Variants in ZNF804B observed in about 807,000 individuals in gnomAD.
ZNF804B encodes zinc finger protein 804B, also known as zinc finger 804B.
ZNF804B carries 80 observed loss-of-function variants against 101.4 expected under a neutral mutation model. The ratio of observed to expected loss-of-function variants is 0.79; its 90% CI spans 0.66 to 0.95. ZNF804B has a LOEUF of 0.95. ZNF804B is among the 40% of genes least tolerant of loss of function. The pLI is 0.00. For synonymous variants in ZNF804B, 622 were observed against 558.8 expected (o/e 1.11, Z -1.59); for missense variants, 1,673 against 1,561.9 (o/e 1.07, Z -1.20).
intron 1 of ZNF804B, among the ~76,000 whole-genome samples, chr7:88,801,875 T>C (rs894716135): frequency 6.6e-6 from 1 of 152,134 alleles, no homozygotes; most frequent in African/African-American, 2.4e-5. Context: ...CTGAAACGAA[T>C]AGCATAATAT....
intron 1 of ZNF804B, among the ~76,000 whole-genome samples, chr7:89,000,441 G>A (rs988567): frequency 0.69 from 104,845 of 151,770 alleles, 36,469 homozygotes; most frequent in African/African-American, 0.75. Flanking sequence ...CATTTTAACT[G>A]TTTCCCAAAT....
intron 1 of ZNF804B, among the ~76,000 whole-genome samples, chr7:88,922,243 C>G (rs779136400): frequency 7.2e-5 from 11 of 151,982 alleles, no homozygotes; most frequent in Non-Finnish European, 1.3e-4. Flanking sequence ...TTAGCTTTTA[C>G]TACTGGAAAA....
intron 1 of ZNF804B, among the ~76,000 whole-genome samples, chr7:89,109,044 G>A (rs10276350): frequency 0.28 from 43,293 of 151,936 alleles, 6,464 homozygotes; most frequent in Non-Finnish European, 0.33. Context: ...TAGGGATGAA[G>A]TAAATCATGT....
chr7:89,115,989 C>T (rs749458843), intron 1 of ZNF804B, among the ~76,000 whole-genome samples: 6 of 150,954 alleles, frequency 4.0e-5, no homozygotes, highest in Admixed American at 1.3e-4. Flanking sequence ...ACTGCAGCTT[C>T]GACCTCCCGG....
chr7:88,882,069 G>A (rs1401513265), intron 1 of ZNF804B, among the ~76,000 whole-genome samples: 2 of 152,058 alleles, frequency 1.3e-5, no homozygotes, highest in Non-Finnish European at 2.9e-5. Flanking sequence ...TGCCTCTGTA[G>A]GAGAAAACAT....
chr7:89,109,372 A>G (rs2116349752), intron 1 of ZNF804B, among the ~76,000 whole-genome samples: 1 of 152,298 alleles, frequency 6.6e-6, no homozygotes, highest in African/African-American at 2.4e-5. Context: ...TAAATTTTAT[A>G]TCATGATGTT....
rs553891309 is a variant in ZNF804B at position 89,196,227 on chromosome 7, A to G, written c.109-21928A>G. ...CAGACCCATAGGCCAATGAAATAGA[A>G]TAGAAACTTTGGAAATAAGGCCACA... On this transcript the variant is annotated intron_variant, in intron 1 of 3. Transcript: ENST00000333190. Among the ~76,000 whole-genome samples the G allele has an allele frequency of 3.9e-5, 6 of 152,246 alleles. No homozygotes were observed. The East Asian group carries it at 7.7e-4, about 20-fold the overall frequency.
At chr7:89,154,347 G>C (rs1584019680) in intron 1 of ZNF804B, among the ~76,000 whole-genome samples, 1 of 152,138 alleles carries the variant, frequency 6.6e-6, no homozygotes, top group Non-Finnish European at 1.5e-5. Flanking sequence ...ACCAAAATTA[G>C]AGCTACCATA....
chr7:89,173,736 C>A (rs931633089), intron 1 of ZNF804B, among the ~76,000 whole-genome samples: 1 of 151,688 alleles, frequency 6.6e-6, no homozygotes, highest in Non-Finnish European at 1.5e-5. Context: ...CATTTATCAT[C>A]CATCCATTTA....
chr7:88,910,949 C>A (rs1291386461), intron 1 of ZNF804B, among the ~76,000 whole-genome samples: 4 of 151,844 alleles, frequency 2.6e-5, no homozygotes, highest in East Asian at 1.9e-4. Context: ...ATAATTGTAT[C>A]ATTGAAGTAA....
intron 1 of ZNF804B, among the ~76,000 whole-genome samples, chr7:88,908,591 G>A (rs1792504895): frequency 1.3e-5 from 2 of 151,544 alleles, no homozygotes; most frequent in African/African-American, 4.8e-5. Flanking sequence ...TCTTCCCAGT[G>A]TTTTTTTAAA....
intron 1 of ZNF804B, among the ~76,000 whole-genome samples, chr7:88,871,240 T>G (rs1041731273): frequency 1.3e-5 from 2 of 152,146 alleles, no homozygotes; most frequent in Non-Finnish European, 2.9e-5. Context: ...GCTATCTGAA[T>G]TATCCCTGTG....
intron 1 of ZNF804B, chr7:88,795,797 A>G (rs1447021421): frequency 6.6e-6 from 1 of 152,106 alleles, no homozygotes; most frequent in Non-Finnish European, 1.5e-5. Flanking sequence ...AGCACCATTA[A>G]AGGACCAGAG....
chr7:89,024,338 T>C (rs1460351021), intron 1 of ZNF804B, among the ~76,000 whole-genome samples: 2 of 152,160 alleles, frequency 1.3e-5, no homozygotes, highest in African/African-American at 4.8e-5. Flanking sequence ...TATGGGGCTT[T>C]AGCTTCTCCC....
intron 1 of ZNF804B, among the ~76,000 whole-genome samples, chr7:88,912,490 T>G (rs1238501029): frequency 6.6e-6 from 1 of 152,150 alleles, no homozygotes; most frequent in African/African-American, 2.4e-5. Context: ...TTGCTGACGC[T>G]AAGTTCACAA....
At chr7:89,324,065 T>G (rs1790861574) in intron 2 of ZNF804B, among the ~76,000 whole-genome samples, 1 of 151,514 alleles carries the variant, frequency 6.6e-6, no homozygotes, top group South Asian at 2.1e-4. Context: ...AGTCCTCTTT[T>G]CATCATACAA....
At chr7:88,890,412 A>G (rs1470414385) in intron 1 of ZNF804B, among the ~76,000 whole-genome samples, 4 of 152,158 alleles carry the variant, frequency 2.6e-5, no homozygotes, top group African/African-American at 9.6e-5. Flanking sequence ...GAGAGCTGGT[A>G]TTGCATGGTA....
At chr7:88,874,521 G>T (rs556376167) in intron 1 of ZNF804B, among the ~76,000 whole-genome samples, 1 of 152,020 alleles carries the variant, frequency 6.6e-6, no homozygotes, top group East Asian at 1.9e-4. Flanking sequence ...AATAGGAGTG[G>T]TGAGAGAGAG....
chr7:89,104,684 TA>T (rs894716370), intron 1 of ZNF804B, among the ~76,000 whole-genome samples: 20 of 152,066 alleles, frequency 1.3e-4, no homozygotes, highest in African/African-American at 4.8e-4. Context: ...ACCTTATTTT[TA>T]AATAACCTTT....
Sources: gnomAD v4.1 joint callset for allele counts (sites outside exome capture counted in the v4.1 genomes callset) on GRCh38, gnomAD v4.1.1 for gene constraint, MANE v1.5 for transcripts, NCBI Gene and HGNC (gene_info 2026-07-23, HGNC 2026-07-21) for gene names.